Variants in SNU13 observed in about 807,000 individuals in gnomAD.
The protein encoded by SNU13 is NHP2-like protein 1.
In SNU13, 2 loss-of-function variants were observed where a neutral mutation model predicts 12.4. The observed-to-expected ratio is 0.16, with a 90% confidence interval of 0.07 to 0.51. SNU13 has a LOEUF of 0.51. Ranked by LOEUF, SNU13 falls within the 20% of genes least tolerant of loss-of-function variation. The pLI is 0.96. For synonymous variants in SNU13, 68 were observed against 66.5 expected (o/e 1.02, Z -0.11); for missense variants, 66 against 157.8 (o/e 0.42, Z 3.12).
chr22:41,682,466 G>C (rs886273319), intron 1 of SNU13: 6 of 1,599,290 alleles, frequency 3.8e-6, no homozygotes, highest in Admixed American at 1.7e-5. Flanking sequence ...CCGCCCCCAA[G>C]AGCAGGAAGT....
intron 2 of SNU13, among the ~76,000 whole-genome samples, chr22:41,679,454 G>A (rs1280565128): frequency 1.3e-5 from 2 of 152,080 alleles, no homozygotes; most frequent in African/African-American, 4.8e-5. Flanking sequence ...TACTTGGGAG[G>A]TTGAGGCAGG....
intron 2 of SNU13, among the ~76,000 whole-genome samples, chr22:41,675,482 T>C (rs968454118): frequency 1.3e-5 from 2 of 151,818 alleles, no homozygotes; most frequent in African/African-American, 4.8e-5. Context: ...AGTGCAGTGG[T>C]GCGATCTTGG....
intron 2 of SNU13, 91 bp downstream of exon 2, chr22:41,680,152 AG>A: frequency 1.4e-6 from 2 of 1,437,268 alleles, no homozygotes; most frequent in Non-Finnish European, 1.9e-6. Flanking sequence ...GAGAGCAGCT[AG>A]CCCTCCTCCC....
intron 2 of SNU13, among the ~76,000 whole-genome samples, chr22:41,678,610 C>T (rs2068234772): frequency 6.6e-6 from 1 of 152,144 alleles, no homozygotes; most frequent in African/African-American, 2.4e-5. Flanking sequence ...GTCCATGAGT[C>T]CTCATCTACC....
intron 2 of SNU13, among the ~76,000 whole-genome samples, chr22:41,676,470 T>A (rs201894628): frequency 1.3e-5 from 2 of 152,054 alleles, no homozygotes; most frequent in African/African-American, 2.4e-5. Context: ...TATAAAATAA[T>A]TCTACCTAAC....
At position 41,688,792 on chromosome 22, in the gene SNU13, A is replaced by G. The variant is rs1193656195; in HGVS notation, c.3+2T>C. ...GGTCCCTCGGCCGGCGCACGCACTC[A>G]CCATGGCTGCGGTTCCGCGGGCTCA... On this transcript the variant is annotated splice_donor_variant, in intron 1 of 2. Transcript: ENST00000401959. LOFTEE classifies it high-confidence loss of function. 6.2e-7 allele frequency: 1 copy of G among 1,601,696 alleles called. No individual in the cohort carries two copies. The highest frequency in any genetic ancestry group is 1.7e-5 in the Admixed American group (1 of 59,870).
At position 41,688,809 on chromosome 22, in the gene SNU13, G is replaced by C. The variant is rs539240871; in HGVS notation, c.-13C>G. 1 of 1,600,364 alleles carries C rather than the reference G, an allele frequency of 6.2e-7. No homozygotes were observed. The highest frequency in any genetic ancestry group is 8.5e-7 in the Non-Finnish European group (1 of 1,170,526). ...ACGCACTCACCATGGCTGCGGTTCC[G>C]CGGGCTCAGCACTCCTAGGGGAGCG... On this transcript the variant is annotated 5_prime_UTR_variant, in exon 1 of 3. Transcript: ENST00000401959.
At chr22:41,688,431 G>C (rs993550833) in intron 1 of SNU13, 3 of 245,848 alleles carry the variant, frequency 1.2e-5, no homozygotes, top group Non-Finnish European at 1.5e-5. Context: ...AAAGAAACAA[G>C]GAAAAAAAAA....
chr22:41,683,525 G>T (rs923041063), intron 1 of SNU13, among the ~76,000 whole-genome samples: 9 of 152,126 alleles, frequency 5.9e-5, no homozygotes, highest in Non-Finnish European at 1.2e-4. Context: ...ACAGGTGTGA[G>T]CCACTGTGCC....
intron 2 of SNU13, among the ~76,000 whole-genome samples, chr22:41,679,513 G>T (rs1475716569): frequency 6.6e-6 from 1 of 151,920 alleles, no homozygotes; most frequent in African/African-American, 2.4e-5. Flanking sequence ...CTGAGATCCT[G>T]CCATGGCACT....
Position 41,674,573 on chromosome 22 carries a change from G to A in SNU13, c.*360C>T, listed in dbSNP as rs1356921782. ...ATGCTGTTTAATTCCACCACACCCC[G>A]CACACAACAGGAAGCTAGTGGCTGA... On this transcript the variant is annotated 3_prime_UTR_variant, in exon 3 of 3. Transcript: ENST00000401959. The A allele has an allele frequency of 1.2e-5, 3 of 253,964 alleles. No homozygotes were observed. The highest frequency in any genetic ancestry group is 2.2e-5 in the African/African-American group (1 of 44,874). 15.7% of individuals were successfully genotyped at this position (253,964 alleles called of 1,614,324 possible). A position where few individuals can be genotyped will look rare whatever the true frequency, so the allele number is the denominator to read the frequency against.
At chr22:41,682,324 C>T (rs921373291) in intron 1 of SNU13, 2 of 1,596,314 alleles carry the variant, frequency 1.3e-6, no homozygotes, top group African/African-American at 2.7e-5. Flanking sequence ...CGGGAGGTGA[C>T]CCGGAGATAA....
At chr22:41,686,492 A>G (rs959621852) in intron 1 of SNU13, among the ~76,000 whole-genome samples, 77 of 150,544 alleles carry the variant, frequency 5.1e-4, no homozygotes, top group African/African-American at 1.8e-3. Context: ...TTTAGTAGAG[A>G]TGGGGGTTTC....
Position 41,682,673 on chromosome 22 carries a change from C to G in SNU13, c.4-2309G>C, listed in dbSNP as rs1601573948. 5.1e-6 allele frequency: 4 copies of G among 786,002 alleles called. No homozygotes were observed. In the East Asian group the frequency reaches 1.5e-4, roughly 30 times the overall value. The allele number at this position is 786,002 out of a possible 1,614,324, so 48.7% of individuals were successfully genotyped here. A position where few individuals can be genotyped will look rare whatever the true frequency, so the allele number is the denominator to read the frequency against. ...AAGGGAAGACCTCCATATTATTTTT[C>G]TCTTCCTCATACATTTATTTATTTA... is the stretch of plus-strand genomic sequence containing the variant. On this transcript the variant is annotated intron_variant, in intron 1 of 2. Transcript: ENST00000401959.
At chr22:41,682,299 C>T (rs1601573520) in intron 1 of SNU13, 4 of 1,543,014 alleles carry the variant, frequency 2.6e-6, no homozygotes, top group East Asian at 2.2e-5. Flanking sequence ...ACCACGCTCG[C>T]GGCACCACAG....
chr22:41,686,010 A>G (rs2068307312), intron 1 of SNU13, among the ~76,000 whole-genome samples: 1 of 150,198 alleles, frequency 6.7e-6, no homozygotes, highest in Non-Finnish European at 1.5e-5. Flanking sequence ...GGATCTCACT[A>G]TTTTGCCCTG....
intron 2 of SNU13, among the ~76,000 whole-genome samples, chr22:41,678,277 T>C (rs1472948758): frequency 1.3e-5 from 2 of 152,146 alleles, no homozygotes; most frequent in Non-Finnish European, 2.9e-5. Context: ...GCCCGGCCTC[T>C]TACAGCATTC....
chr22:41,686,564 T>C (rs2068311901), intron 1 of SNU13, among the ~76,000 whole-genome samples: 1 of 151,562 alleles, frequency 6.6e-6, no homozygotes, highest in Admixed American at 6.6e-5. Context: ...CCTCCCAAAG[T>C]GCTGGGATTA....
At chr22:41,679,257 T>C (rs7292371) in intron 2 of SNU13, among the ~76,000 whole-genome samples, 1 of 140,432 alleles carries the variant, frequency 7.1e-6, no homozygotes, top group Non-Finnish European at 1.5e-5. Flanking sequence ...TGAAAAAAAA[T>C]AAAAATAAAA....
Sources: allele counts gnomAD v4.1 joint callset (sites outside exome capture counted in the v4.1 genomes callset), GRCh38; gene constraint gnomAD v4.1.1; transcripts MANE v1.5; gene names NCBI Gene and HGNC (gene_info 2026-07-23, HGNC 2026-07-21).